The following FSTL5 variants were observed in gnomAD, a reference collection of about 807,000 sequenced individuals.
FSTL5 encodes follistatin like 5.
Under a neutral mutation model 89.1 loss-of-function variants are expected in FSTL5, and 62 were observed. The observed-to-expected ratio is 0.70, with a 90% CI of 0.57 to 0.86. The LOEUF (loss-of-function observed/expected upper bound fraction) is 0.86. Among genes scored for constraint, FSTL5 ranks in the 40% least tolerant of loss-of-function variants. FSTL5 has a pLI of 0.00. For missense variants in FSTL5, 1,057 were observed against 1,001.6 expected, an observed-to-expected ratio of 1.06 and a Z score of -0.75; for synonymous variants, 383 against 346.2, an observed-to-expected ratio of 1.11 and a Z score of -1.18.
intron 4 of FSTL5, among the ~76,000 whole-genome samples, chr4:161,842,848 T>C (rs1442144071): frequency 6.6e-6 from 1 of 152,096 alleles, no homozygotes; most frequent in African/African-American, 2.4e-5. Flanking sequence ...GCCATCTTCA[T>C]CATGAATTAT....
intron 15 of FSTL5, among the ~76,000 whole-genome samples, chr4:161,398,352 G>A (rs1731072541): frequency 6.6e-6 from 1 of 152,012 alleles, no homozygotes; most frequent in Non-Finnish European, 1.5e-5. Context: ...TACTGACACA[G>A]AGATGTCTCC....
In FSTL5 at chr4:161,384,833, A is replaced by C. The variant is rs1467138407; in HGVS notation, c.*914T>G. The C allele has an allele frequency of 1.3e-5, 2 of 152,126 alleles. No individual in the cohort carries two copies. Among genetic ancestry groups the C allele is most frequent in the Non-Finnish European group, 2.9e-5 (2 of 68,006 alleles). 9.4% of individuals were successfully genotyped at this position (152,126 alleles called of 1,614,324 possible). Reference sequence around the variant, plus strand: ...AGACAAAAGTAATGTTTCTTTTTTAAAACCGAAAGTTCCTGATGATGAAAC... The same window carrying C: ...AGACAAAAGTAATGTTTCTTTTTTACAACCGAAAGTTCCTGATGATGAAAC... On this transcript the variant is annotated 3_prime_UTR_variant, in exon 16 of 16. Coordinates refer to ENST00000306100, the MANE Select transcript of FSTL5 (RefSeq NM_020116.5).
chr4:161,413,115 CA>C (rs762663130), intron 15 of FSTL5, among the ~76,000 whole-genome samples: 1 of 151,710 alleles, frequency 6.6e-6, no homozygotes, highest in Non-Finnish European at 1.5e-5. Flanking sequence ...ATCAACAGAA[CA>C]AATAGACAAC....
chr4:161,957,380 T>A (rs905762777), intron 3 of FSTL5, among the ~76,000 whole-genome samples: 1 of 152,148 alleles, frequency 6.6e-6, no homozygotes, highest in Non-Finnish European at 1.5e-5. Context: ...TATATTCTTA[T>A]GTCAGTCACA....
At chr4:161,569,041 C>T (rs1732914215) in intron 8 of FSTL5, among the ~76,000 whole-genome samples, 2 of 152,052 alleles carry the variant, frequency 1.3e-5, no homozygotes, top group Non-Finnish European at 2.9e-5. Flanking sequence ...TGTCTTCACC[C>T]AAAGAAAGAT....
At chr4:161,920,753 A>G (rs1432578713) in intron 3 of FSTL5, 101 bp from the exon 4 acceptor site, 2 of 1,175,488 alleles carry the variant, frequency 1.7e-6, no homozygotes, top group African/African-American at 1.5e-5. Context: ...TAAGAAAAGT[A>G]TAGTATAGTG....
intron 7 of FSTL5, among the ~76,000 whole-genome samples, chr4:161,599,455 AT>A (rs1391027591): frequency 1.3e-5 from 2 of 152,116 alleles, no homozygotes; most frequent in African/African-American, 2.4e-5. Context: ...AGTAATGTTT[AT>A]AGCATCATTT....
At chr4:161,684,615 TG>T (rs1276515062) in intron 6 of FSTL5, among the ~76,000 whole-genome samples, 2 of 152,176 alleles carry the variant, frequency 1.3e-5, no homozygotes, top group East Asian at 1.9e-4. Flanking sequence ...TTGATGTGAT[TG>T]TTTTTTTCTT....
intron 2 of FSTL5, among the ~76,000 whole-genome samples, chr4:162,090,082 A>G (rs1481867665): frequency 6.6e-6 from 1 of 152,202 alleles, no homozygotes; most frequent in East Asian, 1.9e-4. Context: ...CACCATATAC[A>G]AAAGTCAACT....
intron 3 of FSTL5, among the ~76,000 whole-genome samples, chr4:161,997,896 G>A (rs534102762): frequency 3.6e-4 from 55 of 152,152 alleles, no homozygotes; most frequent in Middle Eastern, 3.4e-3. Flanking sequence ...GAGCCACCGC[G>A]CCCGGCCAAG....
chr4:161,704,768 C>T (rs1200989210), intron 6 of FSTL5, among the ~76,000 whole-genome samples: 1 of 152,046 alleles, frequency 6.6e-6, no homozygotes, highest in East Asian at 1.9e-4. Flanking sequence ...TACCTACTTC[C>T]TAGAAGGGAC....
At chr4:161,562,571 TTAA>T (rs1732643249) in intron 8 of FSTL5, among the ~76,000 whole-genome samples, 1 of 151,866 alleles carries the variant, frequency 6.6e-6, no homozygotes, top group South Asian at 2.1e-4. Flanking sequence ...AAGTTTACTC[TTAA>T]TTACCTATTT....
chr4:161,680,073 C>T (rs929812896), intron 6 of FSTL5, among the ~76,000 whole-genome samples: 4 of 151,638 alleles, frequency 2.6e-5, no homozygotes, highest in South Asian at 4.2e-4. Context: ...AAGTCAAATC[C>T]ATTATTATAC....
At chr4:161,513,265 A>AGG (rs1730706460) in intron 10 of FSTL5, among the ~76,000 whole-genome samples, 2 of 97,084 alleles carry the variant, frequency 2.1e-5, no homozygotes, top group African/African-American at 3.9e-5. Context: ...GAACCAAACA[A>AGG]GGAGGGGGAG....
At chr4:161,828,288 T>C (rs76681159) in intron 4 of FSTL5, among the ~76,000 whole-genome samples, 4,858 of 152,222 alleles carry the variant, frequency 0.032, 152 homozygotes, top group East Asian at 0.14. Context: ...TTTCACTCTT[T>C]GAGCATTTAC....
At chr4:162,040,536 A>G (rs1002443121) in intron 2 of FSTL5, among the ~76,000 whole-genome samples, 1 of 151,906 alleles carries the variant, frequency 6.6e-6, no homozygotes, top group Admixed American at 6.6e-5. Flanking sequence ...TGCCTCAAAA[A>G]TAGAGGGGAG....
intron 12 of FSTL5, among the ~76,000 whole-genome samples, chr4:161,492,288 T>C (rs1729906875): frequency 6.6e-6 from 1 of 152,126 alleles, no homozygotes; most frequent in Non-Finnish European, 1.5e-5. Flanking sequence ...GATAAACTAG[T>C]AAACAAACCT....
chr4:161,733,528 AC>A (rs1739687389), intron 6 of FSTL5, among the ~76,000 whole-genome samples: 2 of 152,000 alleles, frequency 1.3e-5, no homozygotes, highest in Non-Finnish European at 2.9e-5. Context: ...GTACTGTAGA[AC>A]TTTTTGTAGT....
chr4:161,961,831 T>C (rs977603320), intron 3 of FSTL5, among the ~76,000 whole-genome samples: 3 of 151,700 alleles, frequency 2.0e-5, no homozygotes, highest in Non-Finnish European at 4.4e-5. Context: ...TGATTTGAAT[T>C]GTATCAATGT....
Sources: gnomAD v4.1 joint callset for allele counts (sites outside exome capture counted in the v4.1 genomes callset) on GRCh38, gnomAD v4.1.1 for gene constraint, MANE v1.5 for transcripts, NCBI Gene and HGNC (gene_info 2026-07-23, HGNC 2026-07-21) for gene names.